Variants in GALNT16 observed in about 807,000 individuals in gnomAD.
GALNT16 encodes polypeptide N-acetylgalactosaminyltransferase 16.
Under a neutral mutation model 76.1 loss-of-function variants are expected in GALNT16, and 40 were observed. That is an observed-to-expected ratio of 0.53 (90% CI 0.41 to 0.68). GALNT16 has a LOEUF of 0.68. GALNT16 is among the 30% of genes least tolerant of loss of function. The pLI is 0.00. For missense variants in GALNT16, 621 were observed against 731.9 expected (o/e 0.85, Z 1.75); for synonymous variants, 276 against 285.2 (o/e 0.97, Z 0.32).
chr14:69,374,633 ATAT>A, the GALNT16 span, among the ~76,000 whole-genome samples: 2 of 152,206 alleles, frequency 1.3e-5, no homozygotes, highest in African/African-American at 4.8e-5. Flanking sequence ...CAGTAGTGGT[ATAT>A]TGCACATTGG....
the GALNT16 span, among the ~76,000 whole-genome samples, chr14:69,368,370 C>T: frequency 3.3e-5 from 5 of 152,160 alleles, no homozygotes; most frequent in Non-Finnish European, 5.9e-5. Context: ...AGGTTGCAAT[C>T]AGTGTGTCAA....
intron 1 of GALNT16, among the ~76,000 whole-genome samples, chr14:69,301,403 G>T (rs758305847): frequency 2.0e-5 from 3 of 152,042 alleles, no homozygotes; most frequent in Non-Finnish European, 2.9e-5. Context: ...GCCCAGGCTG[G>T]ACTGCAGTGG....
chr14:69,293,945 C>T (rs2044719998), intron 1 of GALNT16, among the ~76,000 whole-genome samples: 1 of 151,830 alleles, frequency 6.6e-6, no homozygotes, highest in Non-Finnish European at 1.5e-5. Flanking sequence ...GGCGGGAGTA[C>T]AGTGGCATAA....
chr14:69,293,372 T>G (rs530849053), intron 1 of GALNT16, among the ~76,000 whole-genome samples: 1 of 152,342 alleles, frequency 6.6e-6, no homozygotes, highest in African/African-American at 2.4e-5. Context: ...TCAGACAGAA[T>G]ACTTCTTAAA....
chr14:69,370,183 CA>C, the GALNT16 span, among the ~76,000 whole-genome samples: 2 of 152,216 alleles, frequency 1.3e-5, no homozygotes, highest in African/African-American at 4.8e-5. Context: ...TGGCCCCAAA[CA>C]TTCCCCACTG....
At chr14:69,315,894 A>G (rs2045092718) in intron 1 of GALNT16, among the ~76,000 whole-genome samples, 1 of 152,074 alleles carries the variant, frequency 6.6e-6, no homozygotes. Flanking sequence ...CATTTTTCAG[A>G]CAAGGTTTCT....
chr14:69,383,387 A>G, the GALNT16 span, among the ~76,000 whole-genome samples: 1 of 152,356 alleles, frequency 6.6e-6, no homozygotes, highest in East Asian at 1.9e-4. Flanking sequence ...AACTATGAGC[A>G]CACAACCATC....
chr14:69,355,748 T>G (rs1264055298), downstream of GALNT16: 1 of 152,254 alleles, frequency 6.6e-6, no homozygotes, highest in African/African-American at 2.4e-5. Flanking sequence ...AGGGCCAGAC[T>G]CCCATTTGTA....
At chr14:69,280,282 G>C (rs2044523211) in intron 1 of GALNT16, among the ~76,000 whole-genome samples, 1 of 152,150 alleles carries the variant, frequency 6.6e-6, no homozygotes, top group South Asian at 2.1e-4. Context: ...CATATAAGTG[G>C]AATCCTGTAA....
At chr14:69,284,894 G>A (rs965622650) in intron 1 of GALNT16, among the ~76,000 whole-genome samples, 1 of 151,912 alleles carries the variant, frequency 6.6e-6, no homozygotes. Flanking sequence ...CCCTTTGCTC[G>A]GCCCTTCTCT....
At chr14:69,291,924 C>T (rs1055954044) in intron 1 of GALNT16, among the ~76,000 whole-genome samples, 5 of 152,176 alleles carry the variant, frequency 3.3e-5, no homozygotes, top group African/African-American at 1.2e-4. Flanking sequence ...AGTAGGCACC[C>T]GAAGTCCTGT....
chr14:69,298,969 C>T (rs1232324573), intron 1 of GALNT16, among the ~76,000 whole-genome samples: 1 of 152,248 alleles, frequency 6.6e-6, no homozygotes, highest in Non-Finnish European at 1.5e-5. Context: ...ACTTCTGCTC[C>T]CAGCTAGAAT....
chr14:69,346,514 G>A (rs1443017077), intron 12 of GALNT16, among the ~76,000 whole-genome samples: 1 of 152,002 alleles, frequency 6.6e-6, no homozygotes, highest in Admixed American at 6.6e-5. Context: ...GCCGACACTG[G>A]GCATTGTCAT....
At chr14:69,262,304 T>G (rs910060653) in intron 1 of GALNT16, among the ~76,000 whole-genome samples, 1 of 152,186 alleles carries the variant, frequency 6.6e-6, no homozygotes, top group Admixed American at 6.5e-5. Flanking sequence ...ACCTGGCCCA[T>G]GCACCTCTCT....
chr14:69,383,619 A>G, the GALNT16 span, among the ~76,000 whole-genome samples: 3 of 152,230 alleles, frequency 2.0e-5, no homozygotes, highest in East Asian at 3.8e-4. Context: ...AACATTAGAA[A>G]CAAACAAATA....
At chr14:69,331,621 C>A (rs1021225380) in intron 7 of GALNT16, 70 bp downstream of exon 7, 2 of 860,754 alleles carry the variant, frequency 2.3e-6, no homozygotes, top group Admixed American at 1.7e-5. Flanking sequence ...AGGCAAAAAC[C>A]CTTGCTTGCT....
At chr14:69,301,198 C>T (rs1044961292) in intron 1 of GALNT16, among the ~76,000 whole-genome samples, 1 of 152,102 alleles carries the variant, frequency 6.6e-6, no homozygotes, top group African/African-American at 2.4e-5. Flanking sequence ...TCTGAAAGCC[C>T]CTGCAGCTGC....
chr14:69,298,172 G>A (rs979529710), intron 1 of GALNT16, among the ~76,000 whole-genome samples: 5 of 152,256 alleles, frequency 3.3e-5, no homozygotes, highest in Non-Finnish European at 7.3e-5. Context: ...GAGGGCAGAG[G>A]AGTTACAGCC....
In GALNT16 at chr14:69,352,078, C is replaced by G. The variant is rs761568955; in HGVS notation, c.1587C>G (p.Leu529=). 6.2e-6 allele frequency: 10 copies of G among 1,614,098 alleles called. No individual in the cohort carries two copies. The highest frequency in any genetic ancestry group is 8.5e-6 in the Non-Finnish European group (10 of 1,179,904). Residue 529 remains leucine, a synonymous_variant, in exon 15 of 15, where the codon CTC becomes CTG. Coordinates refer to ENST00000448469, the MANE Select transcript of GALNT16 (RefSeq NM_001168368.2). ...TCATCCAGCATTCAGTCAGTGGCCT[C>G]TGCCTGGAGACAAAGCCTGCCCAGC... ...GSFIQHSVSG[L]CLETKPAQLV...
Sources: allele counts gnomAD v4.1 joint callset (sites outside exome capture counted in the v4.1 genomes callset), GRCh38; gene constraint gnomAD v4.1.1; transcripts MANE v1.5; gene names NCBI Gene and HGNC (gene_info 2026-07-23, HGNC 2026-07-21).